The following KCND2 variants were observed in gnomAD, a reference collection of about 807,000 sequenced individuals.
KCND2 encodes A-type voltage-gated potassium channel KCND2.
KCND2 carries 16 observed loss-of-function variants against 54.4 expected under a neutral mutation model. That is an observed-to-expected ratio of 0.29 (90% CI 0.20 to 0.45). The LOEUF is 0.45. Ranked by LOEUF, KCND2 falls within the 20% of genes least tolerant of loss-of-function variation. The pLI is 1.00. For synonymous variants in KCND2, 317 were observed against 310.7 expected, an observed-to-expected ratio of 1.02 and a Z score of -0.21; for missense variants, 486 against 824.2, an observed-to-expected ratio of 0.59 and a Z score of 5.02.
chr7:120,470,217 G>C (rs960722235), intron 1 of KCND2, among the ~76,000 whole-genome samples: 1 of 152,084 alleles, frequency 6.6e-6, no homozygotes, highest in African/African-American at 2.4e-5. Flanking sequence ...GGCTTGAATA[G>C]CACCTTTCAC....
chr7:120,422,136 T>C (rs986776395), intron 1 of KCND2, among the ~76,000 whole-genome samples: 2 of 152,186 alleles, frequency 1.3e-5, no homozygotes, highest in Admixed American at 6.5e-5. Flanking sequence ...AATGGTTAAT[T>C]TCTAATGCAG....
chr7:120,632,149 T>A (rs1231320416), intron 1 of KCND2, among the ~76,000 whole-genome samples: 2 of 152,164 alleles, frequency 1.3e-5, no homozygotes, highest in Non-Finnish European at 2.9e-5. Flanking sequence ...TAAATTATAT[T>A]CATAATGCAG....
At chr7:120,622,664 T>TACACACACACACAC (rs138167439) in intron 1 of KCND2, among the ~76,000 whole-genome samples, 1 of 134,896 alleles carries the variant, frequency 7.4e-6, no homozygotes, top group African/African-American at 2.8e-5. Context: ...TCCTTTTCCT[T>TACACACACACACAC]ACACACACAC....
In KCND2 at chr7:120,503,693, C is replaced by G. The variant is rs373370421; in HGVS notation, c.1115+227946C>G. Reference sequence around the variant, plus strand: ...GTATCCTCTATATTTAGTTCCGTCTCGATCCCAGAGCCCCAGCTCTTTAAA... The same window carrying G: ...GTATCCTCTATATTTAGTTCCGTCTGGATCCCAGAGCCCCAGCTCTTTAAA... On this transcript the variant is annotated intron_variant, in intron 1 of 5. Coordinates refer to ENST00000331113, the MANE Select transcript of KCND2 (RefSeq NM_012281.3). 2.6e-5 allele frequency among the ~76,000 whole-genome samples: 4 copies of G among 152,022 alleles called. No homozygotes were observed. The East Asian group carries it at 7.7e-4, about 29-fold the overall frequency.
chr7:120,293,005 G>A (rs755124378), intron 1 of KCND2, among the ~76,000 whole-genome samples: 11 of 151,760 alleles, frequency 7.2e-5, no homozygotes, highest in Non-Finnish European at 1.2e-4. Context: ...GCATTGACTC[G>A]TATGGGTCAT....
chr7:120,741,825 T>C (rs940916567), intron 3 of KCND2, among the ~76,000 whole-genome samples, 196 bp downstream of exon 3: 3 of 152,186 alleles, frequency 2.0e-5, no homozygotes, highest in East Asian at 1.9e-4. Flanking sequence ...AACTTCACTA[T>C]GAAATACTGC....
chr7:120,409,464 G>T (rs1801415438), intron 1 of KCND2, among the ~76,000 whole-genome samples: 1 of 151,746 alleles, frequency 6.6e-6, no homozygotes, highest in Non-Finnish European at 1.5e-5. Context: ...CTATAAGAAG[G>T]TGCCAAACCA....
intron 1 of KCND2, among the ~76,000 whole-genome samples, chr7:120,405,711 C>G (rs1563035668): frequency 6.6e-6 from 1 of 151,930 alleles, no homozygotes; most frequent in Non-Finnish European, 1.5e-5. Flanking sequence ...TTTTTAAAAA[C>G]CTTCTTGTTT....
At chr7:120,380,077 A>G (rs575822118) in intron 1 of KCND2, among the ~76,000 whole-genome samples, 1 of 152,128 alleles carries the variant, frequency 6.6e-6, no homozygotes, top group Non-Finnish European at 1.5e-5. Context: ...ACACGAAAAT[A>G]TGAATTTATA....
chr7:120,543,974 T>C (rs998055350), intron 1 of KCND2, among the ~76,000 whole-genome samples: 2 of 151,906 alleles, frequency 1.3e-5, no homozygotes, highest in Admixed American at 6.6e-5. Context: ...GTCTGGAAAG[T>C]TGTGAGAGAA....
chr7:120,571,594 A>G (rs1381305553), intron 1 of KCND2, among the ~76,000 whole-genome samples: 1 of 152,252 alleles, frequency 6.6e-6, no homozygotes, highest in Non-Finnish European at 1.5e-5. Context: ...TTTTTATTTT[A>G]CATAAAGCAT....
At chr7:120,489,443 G>A (rs931775975) in intron 1 of KCND2, among the ~76,000 whole-genome samples, 1 of 152,132 alleles carries the variant, frequency 6.6e-6, no homozygotes, top group Non-Finnish European at 1.5e-5. Flanking sequence ...AGTTATAAAT[G>A]TTAAGCCACA....
intron 1 of KCND2, among the ~76,000 whole-genome samples, chr7:120,492,468 T>C (rs1381937643): frequency 6.6e-6 from 1 of 152,014 alleles, no homozygotes; most frequent in East Asian, 1.9e-4. Flanking sequence ...TACCATAAGC[T>C]GGGCAGCTTA....
At chr7:120,291,633 A>T (rs180943161) in intron 1 of KCND2, among the ~76,000 whole-genome samples, 11 of 151,978 alleles carry the variant, frequency 7.2e-5, no homozygotes, top group Non-Finnish European at 1.5e-4. Flanking sequence ...ATGAAGAAAG[A>T]TATAAGGGAT....
intron 1 of KCND2, among the ~76,000 whole-genome samples, chr7:120,715,024 A>G (rs920179283): frequency 6.6e-6 from 1 of 152,058 alleles, no homozygotes; most frequent in Non-Finnish European, 1.5e-5. Context: ...CCCCACGTAT[A>G]CCTCTCACTC....
intron 1 of KCND2, among the ~76,000 whole-genome samples, chr7:120,514,214 G>T (rs1466922727): frequency 6.6e-6 from 1 of 151,962 alleles, no homozygotes; most frequent in African/African-American, 2.4e-5. Context: ...AAAAACTGAG[G>T]TGATTAAAAA....
intron 1 of KCND2, among the ~76,000 whole-genome samples, chr7:120,345,902 AT>A (rs1228689874): frequency 3.9e-5 from 6 of 152,016 alleles, no homozygotes; most frequent in African/African-American, 1.2e-4. Context: ...TTTATTTTTA[AT>A]TTTTTTGAGG....
intron 1 of KCND2, among the ~76,000 whole-genome samples, chr7:120,378,933 A>G (rs1257375884): frequency 6.6e-6 from 1 of 152,000 alleles, no homozygotes; most frequent in African/African-American, 2.4e-5. Context: ...CTGGAAATTT[A>G]TATGCATGTT....
At chr7:120,639,645 A>G (rs1256232438) in intron 1 of KCND2, among the ~76,000 whole-genome samples, 1 of 152,182 alleles carries the variant, frequency 6.6e-6, no homozygotes, top group Non-Finnish European at 1.5e-5. Flanking sequence ...TAGGAGAAAT[A>G]CAAGCAACCT....
Sources: allele counts gnomAD v4.1 joint callset (sites outside exome capture counted in the v4.1 genomes callset), GRCh38; gene constraint gnomAD v4.1.1; transcripts MANE v1.5; gene names NCBI Gene and HGNC (gene_info 2026-07-23, HGNC 2026-07-21).